The following ZNF566 variants were observed in gnomAD, a reference collection of about 807,000 sequenced individuals.
The protein encoded by ZNF566 is zinc finger protein 566.
In ZNF566, 27 loss-of-function variants were observed where a neutral mutation model predicts 32.8. The observed-to-expected ratio is 0.82, with a 90% confidence interval of 0.61 to 1.14. ZNF566 has a LOEUF of 1.14. ZNF566 is among the 50% of genes most tolerant of loss of function. The pLI, the probability that ZNF566 is intolerant of heterozygous loss-of-function variation, is 0.00. For missense variants in ZNF566, 402 were observed against 490.4 expected, an observed-to-expected ratio of 0.82 and a Z score of 1.70; for synonymous variants, 154 against 159.5, an observed-to-expected ratio of 0.97 and a Z score of 0.26.
At position 36,448,909 on chromosome 19, in the gene ZNF566, T is replaced by C; in HGVS notation, c.*68A>G. On this transcript the variant is annotated 3_prime_UTR_variant, in exon 5 of 5. Transcript: ENST00000452939. ...ACATTATTCTATCTAGAGGAATTAT[T>C]AACAAGATAAATTCTGTTTTGAGCC... is the stretch of plus-strand genomic sequence containing the variant. 1 of 1,295,886 alleles carries C rather than the reference T, an allele frequency of 7.7e-7. No homozygotes were observed. Among genetic ancestry groups the C allele is most frequent in the Non-Finnish European group, 1.1e-6 (1 of 952,332 alleles). The allele number at this position is 1,295,886 out of a possible 1,614,324, so 80.3% of individuals were successfully genotyped here. A position where few individuals can be genotyped will look rare whatever the true frequency, so the allele number is the denominator to read the frequency against.
At chr19:36,468,451 CA>C (rs1359508938) in intron 4 of ZNF566, among the ~76,000 whole-genome samples, 2 of 151,136 alleles carry the variant, frequency 1.3e-5, no homozygotes, top group Admixed American at 6.6e-5. Context: ...ACTAAAAATA[CA>C]AAAATTAGCT....
intron 1 of ZNF566, among the ~76,000 whole-genome samples, chr19:36,485,773 C>T (rs1230142652): frequency 6.7e-6 from 1 of 148,422 alleles, no homozygotes; most frequent in African/African-American, 2.5e-5. Context: ...AAAAAAAAAG[C>T]GGTCAGGCGC....
At chr19:36,467,790 C>CAAAAAA (rs560803094) in intron 4 of ZNF566, among the ~76,000 whole-genome samples, 65 of 85,864 alleles carry the variant, frequency 7.6e-4, no homozygotes, top group East Asian at 1.5e-3. Flanking sequence ...GACTCCATCT[C>CAAAAAA]AAAAAAAAAA....
At chr19:36,480,293 T>TC (rs2033994797) in intron 1 of ZNF566, among the ~76,000 whole-genome samples, 1 of 150,146 alleles carries the variant, frequency 6.7e-6, no homozygotes, top group Admixed American at 6.6e-5. Context: ...TTTTTCTTTT[T>TC]TTTTTTTTTG....
intron 1 of ZNF566, among the ~76,000 whole-genome samples, chr19:36,481,013 G>A (rs931763592): frequency 6.6e-6 from 1 of 151,078 alleles, no homozygotes; most frequent in Non-Finnish European, 1.5e-5. Context: ...ACTGAACTCC[G>A]GCCTGGGCAA....
At chr19:36,479,320 A>G (rs1311618309) in intron 1 of ZNF566, among the ~76,000 whole-genome samples, 1 of 152,204 alleles carries the variant, frequency 6.6e-6, no homozygotes, top group African/African-American at 2.4e-5. Context: ...TTCACAGATG[A>G]TAAGTTGCAG....
chr19:36,486,534 G>T (rs559920612), intron 1 of ZNF566, among the ~76,000 whole-genome samples: 1 of 152,138 alleles, frequency 6.6e-6, no homozygotes, highest in East Asian at 1.9e-4. Context: ...AGCTGGCCGT[G>T]GTGGCGCAAG....
intron 2 of ZNF566, among the ~76,000 whole-genome samples, chr19:36,475,897 G>C (rs562830127): frequency 2.0e-5 from 3 of 152,190 alleles, no homozygotes; most frequent in African/African-American, 4.8e-5. Context: ...AAAGAAATAA[G>C]TATTCTTGAT....
chr19:36,481,560 A>G (rs2034033831), intron 1 of ZNF566, among the ~76,000 whole-genome samples: 1 of 152,040 alleles, frequency 6.6e-6, no homozygotes, highest in Non-Finnish European at 1.5e-5. Flanking sequence ...ACATGACAAC[A>G]TATTCTGTTA....
At chr19:36,489,425 A>T in intron 1 of ZNF566, 61 bp downstream of exon 1, 1 of 301,620 alleles carries the variant, frequency 3.3e-6, no homozygotes, top group Non-Finnish European at 6.5e-6. Flanking sequence ...CCACCGCCGC[A>T]CAAAGCCGAG....
intron 2 of ZNF566, among the ~76,000 whole-genome samples, chr19:36,475,793 A>G (rs550502073): frequency 4.3e-4 from 66 of 152,278 alleles, no homozygotes; most frequent in African/African-American, 1.5e-3. Flanking sequence ...CCTGGAAACC[A>G]GTGTAAAAAA....
At chr19:36,456,408 C>A (rs1378363621) in intron 4 of ZNF566, 1 of 145,054 alleles carries the variant, frequency 6.9e-6, no homozygotes, top group Non-Finnish European at 1.5e-5. Context: ...AAAAAATTAG[C>A]CGGGCGTGGC....
chr19:36,449,219 A>C lies in ZNF566; in HGVS notation c.1015T>G (p.Tyr339Asp). 1 of 1,614,066 alleles carries C rather than the reference A, an allele frequency of 6.2e-7. No individual in the cohort carries two copies. The highest frequency in any genetic ancestry group is 8.5e-7 in the Non-Finnish European group (1 of 1,179,998). The change falls in exon 5 of 5, where the codon TAC becomes GAC. Residue 339 changes from tyrosine to aspartate, a missense_variant. Transcript: ENST00000452939. ...GCCTTTTCACATTCCTTACATTCGTAAGGTTTCTCACCTGTATGGATTCTT... is the reference window on the plus strand; with the variant it reads ...GCCTTTTCACATTCCTTACATTCGTCAGGTTTCTCACCTGTATGGATTCTT... Reference protein sequence around the residue: ...HQRIHTGEKPYECKECEKAFR... With the variant: ...HQRIHTGEKPDECKECEKAFR...
At chr19:36,454,205 T>A (rs1239744608) in intron 4 of ZNF566, among the ~76,000 whole-genome samples, 1 of 152,122 alleles carries the variant, frequency 6.6e-6, no homozygotes, top group Non-Finnish European at 1.5e-5. Flanking sequence ...AGCCTAAAGT[T>A]AAGTTATTAT....
chr19:36,467,574 T>G (rs1169835107), intron 4 of ZNF566, among the ~76,000 whole-genome samples: 3 of 149,058 alleles, frequency 2.0e-5, no homozygotes. Context: ...GTGGGTCATT[T>G]GAGGTCAGCA....
chr19:36,472,855 A>C (rs2047432293), intron 4 of ZNF566, 56 bp downstream of exon 4: 2 of 1,405,440 alleles, frequency 1.4e-6, no homozygotes, highest in Admixed American at 4.0e-5. Context: ...ATAGCATCTA[A>C]AAGATGCAGT....
At chr19:36,477,387 C>T (rs2033914889) in intron 1 of ZNF566, among the ~76,000 whole-genome samples, 2 of 152,050 alleles carry the variant, frequency 1.3e-5, no homozygotes, top group African/African-American at 4.8e-5. Flanking sequence ...ACAAACAATG[C>T]TGTAATAAAT....
At chr19:36,460,925 A>T (rs562872823) in intron 4 of ZNF566, among the ~76,000 whole-genome samples, 45 of 152,246 alleles carry the variant, frequency 3.0e-4, no homozygotes, top group Non-Finnish European at 4.3e-4. Flanking sequence ...TGCTGAAAAA[A>T]AGAGTTGTGA....
chr19:36,448,716 A>G lies in ZNF566; in HGVS notation c.*261T>C. 3.3e-6 allele frequency: 1 copy of G among 304,412 alleles called. No homozygotes were observed. The highest frequency in any genetic ancestry group is 6.0e-6 in the Non-Finnish European group (1 of 166,706). 18.9% of individuals were successfully genotyped at this position (304,412 alleles called of 1,614,324 possible). A position where few individuals can be genotyped will look rare whatever the true frequency, so the allele number is the denominator to read the frequency against. ...AGGTGTTAAAAGTGCTGTCATTTTC[A>G]GTATGACAGACTGAATTATCTATCA... On this transcript the variant is annotated 3_prime_UTR_variant, in exon 5 of 5. Transcript: ENST00000452939.
Sources: gnomAD v4.1 joint callset for allele counts (sites outside exome capture counted in the v4.1 genomes callset) on GRCh38, gnomAD v4.1.1 for gene constraint, MANE v1.5 for transcripts, NCBI Gene and HGNC (gene_info 2026-07-23, HGNC 2026-07-21) for gene names.